The following ZCCHC14 variants were observed in gnomAD, a reference collection of about 807,000 sequenced individuals.
ZCCHC14 encodes the protein zinc finger CCHC domain-containing protein 14.
A neutral mutation model predicts 85.0 loss-of-function variants in ZCCHC14; 16 were observed. That is an observed-to-expected ratio of 0.19 (90% CI 0.13 to 0.29). The LOEUF is 0.29. ZCCHC14 is among the 10% of genes least tolerant of loss of function. The probability of loss-of-function intolerance (pLI) is 1.00; values close to 1 mark genes in which losing one functional copy is unlikely to be tolerated. For missense variants in ZCCHC14, 1,303 were observed against 1,443.5 expected, an observed-to-expected ratio of 0.90 and a Z score of 1.58; for synonymous variants, 775 against 630.7, an observed-to-expected ratio of 1.23 and a Z score of -3.43.
chr16:87,417,403 G>A lies in ZCCHC14; in HGVS notation c.1383+57C>T, dbSNP rs532082487. ...GGTTTGGAAACTCAATGCCCCCAGGGAGGTCTTGAGTAAACAATCTAGCAA... is the reference window on the plus strand; with the variant it reads ...GGTTTGGAAACTCAATGCCCCCAGGAAGGTCTTGAGTAAACAATCTAGCAA... On this transcript the variant is annotated intron_variant, in intron 8 of 12. Transcript: ENST00000671377. The A allele has an allele frequency of 3.6e-5, 57 of 1,582,940 alleles. No individual in the cohort carries two copies. In the East Asian group the frequency reaches 1.2e-3, roughly 34 times the overall value.
chr16:87,477,268 C>T (rs571578032), intron 1 of ZCCHC14, among the ~76,000 whole-genome samples: 1 of 151,922 alleles, frequency 6.6e-6, no homozygotes, highest in African/African-American at 2.4e-5. Flanking sequence ...AACAAAATAT[C>T]AGACTGCGGT....
At chr16:87,426,071 G>A (rs1216925670) in intron 3 of ZCCHC14, among the ~76,000 whole-genome samples, 1 of 152,224 alleles carries the variant, frequency 6.6e-6, no homozygotes, top group African/African-American at 2.4e-5. Context: ...ATCAGAAAGT[G>A]AGCACTGGAA....
chr16:87,475,979 A>T (rs1260943580), intron 1 of ZCCHC14, among the ~76,000 whole-genome samples: 3 of 152,252 alleles, frequency 2.0e-5, no homozygotes, highest in Non-Finnish European at 4.4e-5. Flanking sequence ...AAGACAGTCC[A>T]TCTTAAAGCC....
chr16:87,442,997 C>T (rs117679486), intron 2 of ZCCHC14, among the ~76,000 whole-genome samples: 3,602 of 152,102 alleles, frequency 0.024, 82 homozygotes, highest in Middle Eastern at 0.034. Flanking sequence ...GTTCTTTGAA[C>T]AGAAGGAAAA....
chr16:87,480,833 G>C (rs1841567138), intron 1 of ZCCHC14, among the ~76,000 whole-genome samples: 1 of 152,192 alleles, frequency 6.6e-6, no homozygotes, highest in South Asian at 2.1e-4. Context: ...AATGCGTATA[G>C]GGGTATCACA....
intron 1 of ZCCHC14, among the ~76,000 whole-genome samples, chr16:87,461,753 G>T (rs1911269908): frequency 6.6e-6 from 1 of 152,198 alleles, no homozygotes; most frequent in Non-Finnish European, 1.5e-5. Context: ...GGCAGGACCA[G>T]CACCTGCTGT....
At position 87,491,349 on chromosome 16, in the gene ZCCHC14, G is replaced by A. The variant is rs1205878014; in HGVS notation, c.570+320C>T. Among the ~76,000 whole-genome samples, 2 of 152,206 alleles carry A rather than the reference G, an allele frequency of 1.3e-5. No individual in the cohort carries two copies. Among genetic ancestry groups the A allele is most frequent in the African/African-American group, 2.4e-5 (1 of 41,462 alleles). ...GCGGTGCGGTCTTGGGGCTTAAAGT[G>A]CAGACTTAGGGTGAGGAGTGCGGGC... On this transcript the variant is annotated intron_variant, in intron 1 of 12. Coordinates refer to ENST00000671377, the MANE Select transcript of ZCCHC14 (RefSeq NM_015144.3). This position sits in a 1 kb window ranked among gnomAD's most constrained non-coding sequence, Gnocchi z 5.9.
intron 2 of ZCCHC14, among the ~76,000 whole-genome samples, chr16:87,442,845 T>C (rs1334851145): frequency 6.6e-6 from 1 of 152,132 alleles, no homozygotes; most frequent in Non-Finnish European, 1.5e-5. Flanking sequence ...CAGAAGAAAG[T>C]AGAATCATAT....
At chr16:87,430,952 C>A (rs535782230) in intron 3 of ZCCHC14, among the ~76,000 whole-genome samples, 11 of 150,222 alleles carry the variant, frequency 7.3e-5, no homozygotes, top group East Asian at 4.1e-4. Context: ...CCAGCCTGAA[C>A]AACACGGTGA....
chr16:87,412,682 G>A lies in ZCCHC14; in HGVS notation c.2039C>T (p.Ser680Phe). 2 of 1,614,240 alleles carry A rather than the reference G, an allele frequency of 1.2e-6. No individual in the cohort carries two copies. Among genetic ancestry groups the A allele is most frequent in the Non-Finnish European group, 1.7e-6 (2 of 1,180,048 alleles). Reference protein sequence around the residue: ...LLSLEERNKGSGPRSSMKVDK... With the variant: ...LLSLEERNKGFGPRSSMKVDK... ...CACTTTCATGCTGCTTCTTGGTCCA[G>A]ATCCTTTATTCCTTTCTTCTAGAGA... The change falls in exon 12 of 13, where the codon TCT becomes TTT. Residue 680 changes from serine to phenylalanine, a missense_variant. By Grantham distance (155) the Ser-to-Phe change is radical. Coordinates refer to ENST00000671377, the MANE Select transcript of ZCCHC14 (RefSeq NM_015144.3).
At chr16:87,455,844 AACTTC>A (rs1910931026) in intron 2 of ZCCHC14, among the ~76,000 whole-genome samples, 1 of 152,228 alleles carries the variant, frequency 6.6e-6, no homozygotes, top group Non-Finnish European at 1.5e-5. Flanking sequence ...CATGAGTCAA[AACTTC>A]ACTATGAAGT....
intron 4 of ZCCHC14, among the ~76,000 whole-genome samples, chr16:87,423,463 C>A (rs1487952142): frequency 6.6e-6 from 1 of 152,232 alleles, no homozygotes; most frequent in African/African-American, 2.4e-5. Flanking sequence ...CACTCAGCCA[C>A]CTGAGCATGC....
In ZCCHC14 at chr16:87,408,454, T is replaced by C. The variant is rs1908298452; in HGVS notation, c.*1826A>G. 6.6e-6 allele frequency: 1 copy of C among 152,620 alleles called. No individual in the cohort carries two copies. The highest frequency in any genetic ancestry group is 6.5e-5 in the Admixed American group (1 of 15,288). 9.5% of individuals were successfully genotyped at this position (152,620 alleles called of 1,614,324 possible). A position where few individuals can be genotyped will look rare whatever the true frequency, so the allele number is the denominator to read the frequency against. On this transcript the variant is annotated 3_prime_UTR_variant, in exon 13 of 13. Transcript: ENST00000671377. The stretch of plus-strand genomic sequence containing the variant: ...TATGAGAAGGTCCAGTCTAGTACTC[T>C]TTAAGGCAAAGTTGTGTCAGTTCTC...
At chr16:87,432,962 C>G (rs1909736356) in intron 3 of ZCCHC14, among the ~76,000 whole-genome samples, 166 bp downstream of exon 3, 1 of 152,068 alleles carries the variant, frequency 6.6e-6, no homozygotes, top group Non-Finnish European at 1.5e-5. Flanking sequence ...CCAACAACCC[C>G]CACCCTGGAG....
At chr16:87,489,704 G>A (rs1912665328) in intron 1 of ZCCHC14, among the ~76,000 whole-genome samples, 1 of 152,178 alleles carries the variant, frequency 6.6e-6, no homozygotes, top group Admixed American at 6.5e-5. Context: ...GCAGGGGTGA[G>A]CAGAGAGGAA....
rs147152692 is a variant in ZCCHC14, at chr16:87,412,616, G to A, written c.2105C>T (p.Ala702Val). Residue 702 changes from alanine (A) to valine (V), a missense_variant, in exon 12 of 13, where the codon GCG (alanine) becomes GTG (valine). Physicochemically the swap from Ala to Val is moderately conservative, Grantham distance 64. Coordinates refer to ENST00000671377, the MANE Select transcript of ZCCHC14 (RefSeq NM_015144.3). ...FGSAMMDVLP[A>V]SAPHQPVQVL... The stretch of plus-strand genomic sequence containing the variant: ...CTGCACAGGCTGGTGGGGTGCGGAC[G>A]CGGGCAGCACGTCCATCATGGCGCT... 128 of 1,614,188 alleles carry A rather than the reference G, an allele frequency of 7.9e-5. No individual in the cohort carries two copies. In the African/African-American group the frequency reaches 9.3e-4, roughly 12 times the overall value.
At chr16:87,433,922 G>A (rs1260435322) in intron 2 of ZCCHC14, among the ~76,000 whole-genome samples, 2 of 152,138 alleles carry the variant, frequency 1.3e-5, no homozygotes, top group South Asian at 2.1e-4. Context: ...GGATTTACAG[G>A]CGAAAGCCAC....
chr16:87,424,404 GGCAGTGATCACTAGGGCA>G (rs1196135684), intron 3 of ZCCHC14, among the ~76,000 whole-genome samples: 2 of 151,992 alleles, frequency 1.3e-5, no homozygotes, highest in Non-Finnish European at 2.9e-5. Context: ...AACAGGACAG[GGCAGTGATCACTAGGGCA>G]GCAGTGATCA....
chr16:87,477,120 C>CAAAAA lies in ZCCHC14; in HGVS notation c.570+14544_570+14548dup, dbSNP rs769416913. Among the ~76,000 whole-genome samples the CAAAAA allele has an allele frequency of 5.5e-3, 209 of 37,686 alleles. 3 individuals are homozygous for CAAAAA. The highest frequency in any genetic ancestry group is 7.7e-3 in the African/African-American group (53 of 6,882). The allele number at this position is 37,686 out of a possible 152,430, so 24.7% of individuals were successfully genotyped here. A position where few individuals can be genotyped will look rare whatever the true frequency, so the allele number is the denominator to read the frequency against. On this transcript the variant is annotated intron_variant, in intron 1 of 12. Transcript: ENST00000671377. Reference sequence around the variant, plus strand: ...AGCCTGACAGAGAGAGACTCAGTCTCAAAAAAAAAAAAAAAAAAAAACAAA... The same window carrying CAAAAA: ...AGCCTGACAGAGAGAGACTCAGTCTCAAAAAAAAAAAAAAAAAAAAAAAAAACAAA...
Sources: gnomAD v4.1 joint callset for allele counts (sites outside exome capture counted in the v4.1 genomes callset) on GRCh38, gnomAD v4.1.1 for gene constraint, Gnocchi (gnomAD v3.1) non-coding constraint, MANE v1.5 for transcripts, NCBI Gene and HGNC (gene_info 2026-07-23, HGNC 2026-07-21) for gene names.